PHACTR4: variants seen among roughly 807,000 people sequenced by gnomAD.
PHACTR4 encodes the protein phosphatase and actin regulator 4.
Under a neutral mutation model 72.7 loss-of-function variants are expected in PHACTR4, and 51 were observed. That is an observed-to-expected ratio of 0.70 (90% confidence interval 0.56 to 0.89). The LOEUF is 0.89. PHACTR4 is among the 40% of genes least tolerant of loss of function. PHACTR4 has a pLI of 0.00. For missense variants in PHACTR4, 731 were observed against 861.8 expected (o/e 0.85, Z 1.90); for synonymous variants, 255 against 302.5 (o/e 0.84, Z 1.63).
rs1343481234 is a variant in PHACTR4, at chr1:28,497,527, C to CT, written c.*980dup. 9.3e-6 allele frequency: 1 copy of CT among 106,958 alleles called. No homozygotes were observed. The highest frequency in any genetic ancestry group is 1.8e-5 in the Non-Finnish European group (1 of 55,144). The allele number at this position is 106,958 out of a possible 1,614,324, so 6.6% of individuals were successfully genotyped here. On this transcript the variant is annotated 3_prime_UTR_variant, in exon 14 of 14. Coordinates refer to ENST00000373839, the MANE Select transcript of PHACTR4 (RefSeq NM_001048183.3). ...CCTGGGCAACAAAGTGGGACTCTGT[C>CT]TTAAAAAAAAAAAAAAAAAAAAAAT...
chr1:28,373,577 AT>A (rs1304273811), intron 1 of PHACTR4, among the ~76,000 whole-genome samples: 1 of 152,120 alleles, frequency 6.6e-6, no homozygotes, highest in African/African-American at 2.4e-5. Context: ...GGCGTCAGCC[AT>A]CACGCCTGGC....
At chr1:28,400,605 A>C (rs1371761986) in intron 1 of PHACTR4, among the ~76,000 whole-genome samples, 2 of 151,674 alleles carry the variant, frequency 1.3e-5, no homozygotes, top group African/African-American at 4.8e-5. Context: ...TTTGAGATGG[A>C]GTCTCACTCT....
In PHACTR4 at chr1:28,476,269, A is replaced by T. The variant is rs1570074305; in HGVS notation, c.1584A>T (p.Glu528Asp). ...GTCCCATTCAGTACCGAGATGAAGAAGATGAAGATGAAAGCTATCAGAGTA... is the reference window on the plus strand; with the variant it reads ...GTCCCATTCAGTACCGAGATGAAGATGATGAAGATGAAAGCTATCAGAGTA... ...SEGPIQYRDE[E>D]DEDESYQSAL... Residue 528 changes from glutamate (E) to aspartate (D), a missense_variant, in exon 8 of 14, where the codon GAA becomes GAT. Glu to Asp is a conservative substitution (Grantham distance 45). Around this residue, in one of 2 missense-constraint regions of PHACTR4, gnomAD observed 621 missense variants for 676.6 expected, o/e 0.92. Coordinates refer to ENST00000373839, the MANE Select transcript of PHACTR4 (RefSeq NM_001048183.3). 6.2e-7 allele frequency: 1 copy of T among 1,600,650 alleles called. No homozygotes were observed. The highest frequency in any genetic ancestry group is 1.1e-5 in the South Asian group (1 of 87,944).
chr1:28,453,286 G>A (rs1658110087), intron 2 of PHACTR4, among the ~76,000 whole-genome samples: 1 of 152,082 alleles, frequency 6.6e-6, no homozygotes, highest in Non-Finnish European at 1.5e-5. Flanking sequence ...GTTCTTCATA[G>A]CTTAGTGCAA....
At chr1:28,410,154 GAC>G (rs1654679072) in intron 2 of PHACTR4, among the ~76,000 whole-genome samples, 1 of 151,812 alleles carries the variant, frequency 6.6e-6, no homozygotes, top group South Asian at 2.1e-4. Flanking sequence ...TTTTAGTAGA[GAC>G]AGGGTTTCAC....
intron 9 of PHACTR4, 35 bp downstream of exon 9, chr1:28,480,639 G>T: frequency 6.2e-7 from 1 of 1,610,736 alleles, no homozygotes; most frequent in Non-Finnish European, 8.5e-7. Flanking sequence ...GATTGATTTG[G>T]TTATGCCAGT....
chr1:28,457,537 A>G (rs1330422275), intron 2 of PHACTR4, among the ~76,000 whole-genome samples: 1 of 152,102 alleles, frequency 6.6e-6, no homozygotes, highest in East Asian at 1.9e-4. Flanking sequence ...CGGGAATTTG[A>G]GGCTGCAGTG....
intron 1 of PHACTR4, among the ~76,000 whole-genome samples, chr1:28,383,448 C>A (rs1652341145): frequency 1.3e-5 from 2 of 152,040 alleles, no homozygotes; most frequent in South Asian, 4.1e-4. Context: ...AGCAGTGCGG[C>A]CCTTTTAACA....
chr1:28,449,367 T>C (rs1657764563), intron 2 of PHACTR4, among the ~76,000 whole-genome samples: 1 of 152,112 alleles, frequency 6.6e-6, no homozygotes, highest in Admixed American at 6.6e-5. Context: ...AAATAAATAA[T>C]TGGTTGTAAA....
chr1:28,370,530 A>C (rs1651156574), intron 1 of PHACTR4, among the ~76,000 whole-genome samples: 1 of 151,350 alleles, frequency 6.6e-6, no homozygotes, highest in Admixed American at 6.6e-5. Context: ...CCAAAGAACC[A>C]GTGGTGAATG....
At chr1:28,370,697 C>G (rs1651176654) in intron 1 of PHACTR4, among the ~76,000 whole-genome samples, 1 of 150,208 alleles carries the variant, frequency 6.7e-6, no homozygotes, top group Non-Finnish European at 1.5e-5. Context: ...CTTTTTAAAA[C>G]AAACAGTGGA....
intron 2 of PHACTR4, among the ~76,000 whole-genome samples, chr1:28,436,278 T>C (rs773026967): frequency 2.6e-5 from 4 of 152,096 alleles, no homozygotes; most frequent in Non-Finnish European, 4.4e-5. Context: ...ATTTTAATTT[T>C]TTTTTTTAGA....
rs571402419 is a variant in PHACTR4, at chr1:28,496,718, T to C, written c.*169T>C. 6.6e-6 allele frequency: 5 copies of C among 752,954 alleles called. No homozygotes were observed. The highest frequency in any genetic ancestry group is 5.2e-5 in the African/African-American group (3 of 57,664). The allele number at this position is 752,954 out of a possible 1,614,324, so 46.6% of individuals were successfully genotyped here. ...AGCATTTCACTGGAACAGAGTCTTA[T>C]GTGCTGCACCGGGGGCAAAACAACA... On this transcript the variant is annotated 3_prime_UTR_variant, in exon 14 of 14. Transcript: ENST00000373839.
intron 1 of PHACTR4, among the ~76,000 whole-genome samples, chr1:28,385,903 C>T (rs1241732725): frequency 6.6e-6 from 1 of 152,022 alleles, no homozygotes; most frequent in Non-Finnish European, 1.5e-5. Flanking sequence ...ACGTAAGCCA[C>T]CACGCCCGGC....
intron 2 of PHACTR4, among the ~76,000 whole-genome samples, chr1:28,437,514 G>A (rs1178123993): frequency 6.6e-6 from 1 of 152,196 alleles, no homozygotes; most frequent in African/African-American, 2.4e-5. Context: ...ACAGGCATGA[G>A]TCACCAGGCC....
At chr1:28,444,300 GCTCACTGCAACCTCCGA>G (rs1260883079) in intron 2 of PHACTR4, among the ~76,000 whole-genome samples, 2 of 131,906 alleles carry the variant, frequency 1.5e-5, no homozygotes, top group African/African-American at 5.7e-5. Flanking sequence ...AGCAGTCTTG[GCTCACTGCAACCTCCGA>G]CTCCCTGGTT....
intron 6 of PHACTR4, among the ~76,000 whole-genome samples, chr1:28,467,510 C>T (rs1372452356): frequency 6.6e-6 from 1 of 152,032 alleles, no homozygotes; most frequent in Non-Finnish European, 1.5e-5. Context: ...TGCCTCAGCT[C>T]ACAAGGGGCA....
intron 1 of PHACTR4, among the ~76,000 whole-genome samples, chr1:28,370,614 A>AAAAAAAAAC (rs1267636791): frequency 6.6e-6 from 1 of 151,690 alleles, no homozygotes; most frequent in African/African-American, 2.4e-5. Flanking sequence ...TTGCTTGCAA[A>AAAAAAAAAC]AAAAAAAAAC....
chr1:28,378,512 GA>G (rs1053254272), intron 1 of PHACTR4, among the ~76,000 whole-genome samples: 3 of 148,070 alleles, frequency 2.0e-5, no homozygotes, highest in South Asian at 2.2e-4. Flanking sequence ...CAAAAAAAAA[GA>G]AAAAAGTTTT....
Sources: gnomAD v4.1 joint callset for allele counts (sites outside exome capture counted in the v4.1 genomes callset) on GRCh38, gnomAD v4.1.1 for gene constraint, gnomAD v4.1.1 regional missense constraint, MANE v1.5 for transcripts, NCBI Gene and HGNC (gene_info 2026-07-23, HGNC 2026-07-21) for gene names.